Variants in MACROD2 observed in about 807,000 individuals in gnomAD.
The protein encoded by MACROD2 is ADP-ribose glycohydrolase MACROD2.
A neutral mutation model predicts 70.4 loss-of-function variants in MACROD2; 36 were observed. The observed-to-expected ratio is 0.51, with a 90% CI of 0.39 to 0.68. MACROD2 has a LOEUF of 0.68. Ranked by LOEUF, MACROD2 falls within the 30% of genes least tolerant of loss-of-function variation. The pLI is 0.00. For missense variants in MACROD2, 496 were observed against 538.4 expected (o/e 0.92, Z 0.78); for synonymous variants, 172 against 178.8 (o/e 0.96, Z 0.30).
intron 4 of MACROD2, among the ~76,000 whole-genome samples, chr20:14,531,811 A>T (rs1342650349): frequency 6.6e-6 from 1 of 152,156 alleles, no homozygotes; most frequent in Non-Finnish European, 1.5e-5. Flanking sequence ...CTAGCCCACA[A>T]GAAGCTACCT....
intron 15 of MACROD2, 148 bp downstream of exon 15, chr20:15,987,306 A>T: frequency 1.5e-6 from 1 of 657,880 alleles, no homozygotes; most frequent in Non-Finnish European, 2.6e-6. Flanking sequence ...TCCGTTTGAA[A>T]GTAGAGTAAA....
At chr20:15,277,857 G>C (rs2146081538) in intron 6 of MACROD2, among the ~76,000 whole-genome samples, 1 of 152,190 alleles carries the variant, frequency 6.6e-6, no homozygotes, top group East Asian at 1.9e-4. Flanking sequence ...GTGAGTCGCA[G>C]ACTCATTGAT....
chr20:14,696,104 C>G (rs989476966), intron 5 of MACROD2, among the ~76,000 whole-genome samples: 2 of 152,086 alleles, frequency 1.3e-5, no homozygotes, highest in African/African-American at 2.4e-5. Context: ...AACCAAAGCC[C>G]TTTGCCATAC....
chr20:14,819,358 G>C (rs2072812955), intron 5 of MACROD2, among the ~76,000 whole-genome samples: 1 of 150,596 alleles, frequency 6.6e-6, no homozygotes, highest in Non-Finnish European at 1.5e-5. Flanking sequence ...GAATTCTCAG[G>C]TGTGGCTGCA....
chr20:15,798,059 G>T (rs1600907105), intron 8 of MACROD2, among the ~76,000 whole-genome samples: 1 of 152,324 alleles, frequency 6.6e-6, no homozygotes, highest in Non-Finnish European at 1.5e-5. Context: ...GCATAGCTGT[G>T]TTTTGCTAAA....
intron 8 of MACROD2, among the ~76,000 whole-genome samples, chr20:15,553,450 C>T (rs1490052880): frequency 2.0e-5 from 3 of 152,220 alleles, no homozygotes; most frequent in Admixed American, 2.0e-4. Context: ...GAGATAGAGT[C>T]TCACTCTGTC....
intron 3 of MACROD2, among the ~76,000 whole-genome samples, chr20:14,226,226 G>A (rs2081731792): frequency 1.3e-5 from 2 of 152,228 alleles, no homozygotes; most frequent in South Asian, 4.1e-4. Flanking sequence ...CATAGGGTCT[G>A]TGATGGCGCA....
At chr20:15,939,637 C>T (rs2065721174) in intron 12 of MACROD2, among the ~76,000 whole-genome samples, 2 of 151,498 alleles carry the variant, frequency 1.3e-5, no homozygotes, top group African/African-American at 4.9e-5. Flanking sequence ...ATCTAGTGTG[C>T]AGCCAATGTA....
intron 4 of MACROD2, among the ~76,000 whole-genome samples, chr20:14,533,760 T>A (rs1252580100): frequency 6.6e-6 from 1 of 152,220 alleles, no homozygotes; most frequent in Non-Finnish European, 1.5e-5. Flanking sequence ...TTTGCAAATA[T>A]TTTCATTGGA....
At chr20:15,555,908 G>C (rs1452947720) in intron 8 of MACROD2, among the ~76,000 whole-genome samples, 1 of 151,058 alleles carries the variant, frequency 6.6e-6, no homozygotes, top group Non-Finnish European at 1.5e-5. Flanking sequence ...GAAAGTGTGT[G>C]TGACATTTAT....
chr20:14,923,212 C>T (rs1795803981), intron 5 of MACROD2, among the ~76,000 whole-genome samples: 1 of 152,154 alleles, frequency 6.6e-6, no homozygotes, highest in African/African-American at 2.4e-5. Context: ...CCACTCATTA[C>T]TGAAGAGCCC....
chr20:14,717,067 C>CACTAAAAATTCTGATTTTGTGTCG (rs902258291), intron 5 of MACROD2, among the ~76,000 whole-genome samples: 1 of 151,962 alleles, frequency 6.6e-6, no homozygotes, highest in East Asian at 1.9e-4. Flanking sequence ...TAGAACCAAT[C>CACTAAAAATTCTGATTTTGTGTCG]ACTAAAAATT....
chr20:15,185,275 A>G (rs2076527236), intron 5 of MACROD2, among the ~76,000 whole-genome samples: 1 of 152,196 alleles, frequency 6.6e-6, no homozygotes, highest in African/African-American at 2.4e-5. Flanking sequence ...GTCAGCTTTT[A>G]ATAGTTTAAA....
At chr20:15,018,440 A>G (rs1345652004) in intron 5 of MACROD2, among the ~76,000 whole-genome samples, 1 of 152,010 alleles carries the variant, frequency 6.6e-6, no homozygotes, top group African/African-American at 2.4e-5. Flanking sequence ...ATTTTCCCAC[A>G]TTTTCCCATC....
intron 8 of MACROD2, among the ~76,000 whole-genome samples, chr20:15,811,164 G>C (rs1040422281): frequency 6.6e-6 from 1 of 152,010 alleles, no homozygotes; most frequent in Non-Finnish European, 1.5e-5. Flanking sequence ...CACAAAATGG[G>C]AGAAAATTTT....
intron 3 of MACROD2, among the ~76,000 whole-genome samples, chr20:14,114,921 T>G (rs540723092): frequency 6.6e-6 from 1 of 152,300 alleles, no homozygotes; most frequent in South Asian, 2.1e-4. Context: ...CATCCTGGCA[T>G]CCTTCTCAAA....
chr20:15,869,529 A>G (rs1440218861), intron 9 of MACROD2, among the ~76,000 whole-genome samples: 1 of 151,976 alleles, frequency 6.6e-6, no homozygotes, highest in Non-Finnish European at 1.5e-5. Flanking sequence ...GTACAACATA[A>G]AATGATAAAC....
At chr20:14,215,890 T>C (rs1157785132) in intron 3 of MACROD2, among the ~76,000 whole-genome samples, 1 of 152,200 alleles carries the variant, frequency 6.6e-6, no homozygotes, top group Admixed American at 6.5e-5. Context: ...TTTGAGTTCA[T>C]TGGATATTAG....
At chr20:14,547,188 A>T (rs926362183) in intron 4 of MACROD2, 1 of 371,838 alleles carries the variant, frequency 2.7e-6, no homozygotes, top group Non-Finnish European at 4.3e-6. Context: ...GCCTGGCTCA[A>T]TTAATCTTAT....
Sources: allele counts gnomAD v4.1 joint callset (sites outside exome capture counted in the v4.1 genomes callset), GRCh38; gene constraint gnomAD v4.1.1; transcripts MANE v1.5; gene names NCBI Gene and HGNC (gene_info 2026-07-23, HGNC 2026-07-21).